The following SMARCA2 variants were observed in gnomAD, a reference collection of about 807,000 sequenced individuals.
SMARCA2 encodes SWI/SNF-related matrix-associated actin-dependent regulator of chromatin subfamily A member 2.
SMARCA2 carries 61 observed loss-of-function variants against 199.8 expected under a neutral mutation model. That is an observed-to-expected ratio of 0.31 (90% CI 0.25 to 0.38). The LOEUF is 0.38. Ranked by LOEUF, SMARCA2 falls within the 10% of genes least tolerant of loss-of-function variation. The pLI is 1.00. For synonymous variants in SMARCA2, 935 were observed against 732.0 expected, an observed-to-expected ratio of 1.28 and a Z score of -4.48; for missense variants, 1,344 against 2,012.2, an observed-to-expected ratio of 0.67 and a Z score of 6.35.
In SMARCA2 at chr9:2,055,463, G is replaced by A. The variant is rs546126439; in HGVS notation, c.1173+740G>A. On this transcript the variant is annotated intron_variant, in intron 6 of 33. Coordinates refer to ENST00000349721, the MANE Select transcript of SMARCA2 (RefSeq NM_003070.5). ...GCAGATTGCCTCACTAACCCAAAGGGGATAAGGAACGTTTCATTGTTAGTC... is the reference window on the plus strand; with the variant it reads ...GCAGATTGCCTCACTAACCCAAAGGAGATAAGGAACGTTTCATTGTTAGTC... The A allele has an allele frequency of 2.0e-5, 3 of 152,332 alleles. No individual in the cohort carries two copies. The East Asian group carries it at 5.8e-4, about 29-fold the overall frequency. The allele number at this position is 152,332 out of a possible 1,614,324, so 9.4% of individuals were successfully genotyped here. A position where few individuals can be genotyped will look rare whatever the true frequency, so the allele number is the denominator to read the frequency against.
At chr9:2,147,785 T>C (rs921396096) in intron 27 of SMARCA2, among the ~76,000 whole-genome samples, 4 of 151,192 alleles carry the variant, frequency 2.6e-5, no homozygotes, top group African/African-American at 4.8e-5. Flanking sequence ...GAGGCAGAGG[T>C]TGCAGTGAGC....
intron 27 of SMARCA2, among the ~76,000 whole-genome samples, chr9:2,126,312 T>G (rs781711875): frequency 8.5e-5 from 13 of 152,274 alleles, no homozygotes; most frequent in Non-Finnish European, 1.3e-4. Context: ...GTAACGTATC[T>G]TTTTGTAATC....
Position 2,101,633 on chromosome 9 carries a change from T to A in SMARCA2, c.3125+17T>A, listed in dbSNP as rs1226421277. The A allele has an allele frequency of 1.4e-6, 2 of 1,451,616 alleles. No homozygotes were observed. Among genetic ancestry groups the A allele is most frequent in the African/African-American group, 1.4e-5 (1 of 70,684 alleles). The allele number at this position is 1,451,616 out of a possible 1,614,324, so 89.9% of individuals were successfully genotyped here. ...CATCAATGGGTAAATCTCAAATTTT[T>A]TTTTCTTTTAAAAAAAAATGTTGTT... On this transcript the variant is annotated intron_variant, in intron 22 of 33. Transcript: ENST00000349721.
rs1004895120 is a variant in SMARCA2, at chr9:2,123,200, C to T, written c.3763-519C>T. On this transcript the variant is annotated intron_variant, in intron 26 of 33. Transcript: ENST00000349721. This position sits in a 1 kb window ranked among gnomAD's most constrained non-coding sequence, Gnocchi z 4.1. Reference sequence around the variant, plus strand: ...ACCATTTATGTCTCTTCCACATGTCCAACTGTGGGTAGCTATTCTGTACTG... The same window carrying T: ...ACCATTTATGTCTCTTCCACATGTCTAACTGTGGGTAGCTATTCTGTACTG... Among the ~76,000 whole-genome samples the T allele has an allele frequency of 3.3e-5, 5 of 152,152 alleles. No homozygotes were observed. Among genetic ancestry groups the T allele is most frequent in the African/African-American group, 1.2e-4 (5 of 41,430 alleles).
chr9:2,016,897 C>G lies in SMARCA2; in HGVS notation c.-37+1493C>G, dbSNP rs1818376326. On this transcript the variant is annotated intron_variant, in intron 1 of 33. Coordinates refer to ENST00000349721, the MANE Select transcript of SMARCA2 (RefSeq NM_003070.5). The surrounding 1 kb of genome is among the most constrained non-coding windows in gnomAD (Gnocchi z 5.6). Reference sequence around the variant, plus strand: ...CCATCTGCAAAGGTGTCGCGATGCACTTCCCTAAATAACCGGTCCGGCGCG... The same window carrying G: ...CCATCTGCAAAGGTGTCGCGATGCAGTTCCCTAAATAACCGGTCCGGCGCG... Among the ~76,000 whole-genome samples, 1 of 152,234 alleles carries G rather than the reference C, an allele frequency of 6.6e-6. No homozygotes were observed. Among genetic ancestry groups the G allele is most frequent in the Non-Finnish European group, 1.5e-5 (1 of 68,030 alleles).
At chr9:2,192,072 G>A (rs570376370) in intron 33 of SMARCA2, 3 of 155,414 alleles carry the variant, frequency 1.9e-5, no homozygotes, top group East Asian at 3.8e-4. Context: ...ATTCGGACCC[G>A]AGTAGCATAA....
At chr9:2,042,660 T>A (rs1448642635) in intron 4 of SMARCA2, 1 of 150,320 alleles carries the variant, frequency 6.7e-6, no homozygotes, top group Non-Finnish European at 1.5e-5. Flanking sequence ...GGGCTCTATT[T>A]TTTTTTTTTT....
chr9:2,164,128 C>T (rs7861119), intron 28 of SMARCA2, among the ~76,000 whole-genome samples: 3 of 151,936 alleles, frequency 2.0e-5, no homozygotes, highest in East Asian at 1.9e-4. Flanking sequence ...GTATGGAGTG[C>T]GTCGCCATTT....
intron 13 of SMARCA2, among the ~76,000 whole-genome samples, chr9:2,076,911 A>G (rs1324376426): frequency 1.3e-5 from 2 of 152,114 alleles, no homozygotes; most frequent in African/African-American, 4.8e-5. Flanking sequence ...GTATAGCTGT[A>G]CTATTAAAAG....
chr9:2,075,935 AT>A (rs1489034202), intron 12 of SMARCA2, among the ~76,000 whole-genome samples: 3 of 152,244 alleles, frequency 2.0e-5, no homozygotes, highest in Non-Finnish European at 4.4e-5. Flanking sequence ...TGATAACCAA[AT>A]AATGATAAAC....
In SMARCA2 at chr9:2,169,146, C is replaced by T. The variant is rs185522714; in HGVS notation, c.4200-1273C>T. 2.6e-5 allele frequency among the ~76,000 whole-genome samples: 4 copies of T among 152,268 alleles called. No homozygotes were observed. The highest frequency in any genetic ancestry group is 2.9e-5 in the Non-Finnish European group (2 of 68,018). ...GTCCCCTCAACCTGCTCCTAATTGT[C>T]CCTACAAGACACCCGTTCACCTGCC... On this transcript the variant is annotated intron_variant, in intron 28 of 33. Transcript: ENST00000349721. This position sits in a 1 kb window ranked among gnomAD's most constrained non-coding sequence, Gnocchi z 6.5.
At chr9:2,121,578 T>C (rs921642117) in intron 26 of SMARCA2, among the ~76,000 whole-genome samples, 6 of 152,252 alleles carry the variant, frequency 3.9e-5, no homozygotes, top group African/African-American at 1.4e-4. Flanking sequence ...AATAAATCTT[T>C]GGATTTTAAA....
At chr9:2,102,132 A>T (rs1393271408) in intron 22 of SMARCA2, among the ~76,000 whole-genome samples, 2 of 148,012 alleles carry the variant, frequency 1.4e-5, no homozygotes, top group Non-Finnish European at 3.0e-5. Flanking sequence ...ATTAACAGAA[A>T]GTGTGTGTGT....
At chr9:2,084,268 A>G in intron 17 of SMARCA2, 72 bp downstream of exon 17, 1 of 778,004 alleles carries the variant, frequency 1.3e-6, no homozygotes, top group East Asian at 2.6e-5. Context: ...TGCCCAAGTC[A>G]GTAGTGTAAT....
At position 2,017,642 on chromosome 9, in the gene SMARCA2, T is replaced by A. The variant is rs1356607923; in HGVS notation, c.-37+2238T>A. 1 of 152,120 alleles carries A rather than the reference T, an allele frequency of 6.6e-6. No individual in the cohort carries two copies. Among genetic ancestry groups the A allele is most frequent in the Non-Finnish European group, 1.5e-5 (1 of 68,100 alleles). 9.4% of individuals were successfully genotyped at this position (152,120 alleles called of 1,614,324 possible). On this transcript the variant is annotated intron_variant, in intron 1 of 33. Transcript: ENST00000349721. This position sits in a 1 kb window ranked among gnomAD's most constrained non-coding sequence, Gnocchi z 8.8. ...ACAGACATGTTTGATTGCCGTGACA[T>A]GACGCGCGCGAGGGAGGAAGCGGCA...
intron 27 of SMARCA2, among the ~76,000 whole-genome samples, chr9:2,145,001 G>A (rs1390998888): frequency 1.3e-5 from 2 of 152,158 alleles, no homozygotes; most frequent in South Asian, 2.1e-4. Flanking sequence ...AATGTGGCTA[G>A]TAAACTTAGA....
chr9:2,096,442 T>C (rs1288619210), intron 19 of SMARCA2, among the ~76,000 whole-genome samples: 2 of 152,166 alleles, frequency 1.3e-5, no homozygotes, highest in African/African-American at 2.4e-5. Flanking sequence ...CAATTACATA[T>C]AACCTTCAGA....
At chr9:2,181,063 C>T (rs529946470) in intron 29 of SMARCA2, among the ~76,000 whole-genome samples, 9 of 152,102 alleles carry the variant, frequency 5.9e-5, no homozygotes, top group South Asian at 2.1e-4. Context: ...CCAGTAGGTA[C>T]GTACGAAGGC....
intron 27 of SMARCA2, among the ~76,000 whole-genome samples, chr9:2,129,768 C>T (rs1233416915): frequency 2.0e-5 from 3 of 152,168 alleles, no homozygotes; most frequent in Admixed American, 1.3e-4. Context: ...TCACACATGA[C>T]ACTTCATTAT....
Sources: allele counts gnomAD v4.1 joint callset (sites outside exome capture counted in the v4.1 genomes callset), GRCh38; gene constraint gnomAD v4.1.1; non-coding constraint Gnocchi (gnomAD v3.1); transcripts MANE v1.5; gene names NCBI Gene and HGNC (gene_info 2026-07-23, HGNC 2026-07-21).